PRKDC: variants seen among roughly 807,000 people sequenced by gnomAD.
PRKDC encodes protein kinase, DNA-activated, catalytic subunit.
Under a neutral mutation model 486.9 loss-of-function variants are expected in PRKDC, and 82 were observed. The observed-to-expected ratio is 0.17, with a 90% CI of 0.14 to 0.20. The LOEUF is 0.20. Among genes scored for constraint, PRKDC ranks in the 10% least tolerant of loss-of-function variants. PRKDC has a pLI of 1.00. For synonymous variants in PRKDC, 1,895 were observed against 1,837.0 expected (o/e 1.03, Z -0.81); for missense variants, 4,504 against 5,038.2 (o/e 0.89, Z 3.21).
At chr8:47,927,749 C>A (rs781401579) in intron 20 of PRKDC, 22 bp downstream of exon 20, 3 of 1,488,146 alleles carry the variant, frequency 2.0e-6, no homozygotes, top group Admixed American at 2.5e-5. Context: ...GAAGAGATGG[C>A]TCTGTTCAAG....
chr8:47,803,295 G>C lies in PRKDC; in HGVS notation c.9922+11C>G. The stretch of plus-strand genomic sequence containing the variant: ...CTTTAAGATATAAGTGGATAAAAGC[G>C]GTCAACTTACCCAACAAAGAGACTG... On this transcript the variant is annotated intron_variant, in intron 70 of 85. Coordinates refer to ENST00000314191, the MANE Select transcript of PRKDC (RefSeq NM_006904.7). 2 of 1,598,334 alleles carry C rather than the reference G, an allele frequency of 1.3e-6. No individual in the cohort carries two copies. The highest frequency in any genetic ancestry group is 2.2e-5 in the South Asian group (2 of 89,044).
At chr8:47,951,046 TA>T (rs1250624353) in intron 7 of PRKDC, among the ~76,000 whole-genome samples, 4 of 152,076 alleles carry the variant, frequency 2.6e-5, no homozygotes, top group African/African-American at 9.7e-5. Context: ...CCAAAGGACA[TA>T]ATCAACACAG....
At chr8:47,946,822 C>CT (rs1301044548) in intron 7 of PRKDC, among the ~76,000 whole-genome samples, 1 of 152,164 alleles carries the variant, frequency 6.6e-6, no homozygotes, top group Non-Finnish European at 1.5e-5. Context: ...AACCCGGTCT[C>CT]TCCCATCCCA....
rs1318214107 is a variant in PRKDC at position 47,904,914 on chromosome 8, CTTG to C, written c.2994_2996del (p.Asn998del). 4.3e-6 allele frequency: 7 copies of C among 1,613,582 alleles called. No homozygotes were observed. The highest frequency in any genetic ancestry group is 3.3e-5 in the Admixed American group (2 of 59,952). ...CAACAGTATCCTGACTTTCAAATTT[CTTG>C]TTGTTAGTGAACCAGTGAATCAGCT... On this transcript the variant is annotated inframe_deletion, in exon 26 of 86. Coordinates refer to ENST00000314191, the MANE Select transcript of PRKDC (RefSeq NM_006904.7).
Position 47,877,737 on chromosome 8 carries a change from T to C in PRKDC, c.5350A>G (p.Arg1784Gly). ...MEELFQSSFR[R>G]IARRGSCVTQ... ...AGAATGACTTACCTTCTGGCAATCC[T>C]CCTGAAACTGGATTGAAATAATTCT... Residue 1784 changes from arginine to glycine, a missense_variant, in exon 40 of 86, where the codon AGG becomes GGG. Arg to Gly is a moderately radical substitution (Grantham distance 125). This residue lies in a region of PRKDC where 1,969 missense variants were observed against 2,068.9 expected (regional missense o/e 0.95). Transcript: ENST00000314191. 6.3e-7 allele frequency: 1 copy of C among 1,587,922 alleles called. No homozygotes were observed. Among genetic ancestry groups the C allele is most frequent in the Non-Finnish European group, 8.6e-7 (1 of 1,166,352 alleles).
chr8:47,821,495 T>G, intron 65 of PRKDC, 109 bp downstream of exon 65: 4 of 1,046,134 alleles, frequency 3.8e-6, no homozygotes, highest in Non-Finnish European at 4.3e-6. Flanking sequence ...TGCAATTCCC[T>G]AGTGCTTCAC....
In PRKDC at chr8:47,828,199, G is replaced by C; in HGVS notation, c.8546C>G (p.Ser2849Cys). Residue 2849 changes from serine to cysteine, a missense_variant, in exon 62 of 86, where the codon TCT (serine) becomes TGT (cysteine). Physicochemically the swap from Ser to Cys is moderately radical, Grantham distance 112. Transcript: ENST00000314191. ...ACAAGAGACAAAGGGTGGAAAGAAAGAGAAGGTGGTATTAAGAAAACGATT... is the reference window on the plus strand; with the variant it reads ...ACAAGAGACAAAGGGTGGAAAGAAACAGAAGGTGGTATTAAGAAAACGATT... Reference protein sequence around the residue: ...DFNRFLNTTFSFFPPFVSCIQ... With the variant: ...DFNRFLNTTFCFFPPFVSCIQ... The C allele has an allele frequency of 1.2e-6, 2 of 1,613,824 alleles. No individual in the cohort carries two copies. The highest frequency in any genetic ancestry group is 8.5e-7 in the Non-Finnish European group (1 of 1,179,770).
rs899417449 is a variant in PRKDC, at chr8:47,773,753, A to C, written c.*420T>G. Reference sequence around the variant, plus strand: ...CTATACTTAGCTTTACTCTCCCAAAATCTTGGTGATGAAGCCTTCTGAGTG... The same window carrying C: ...CTATACTTAGCTTTACTCTCCCAAACTCTTGGTGATGAAGCCTTCTGAGTG... On this transcript the variant is annotated 3_prime_UTR_variant, in exon 86 of 86. Transcript: ENST00000314191. 1.2e-4 allele frequency: 28 copies of C among 235,166 alleles called. No individual in the cohort carries two copies. The highest frequency in any genetic ancestry group is 6.0e-4 in the African/African-American group (27 of 45,312). The allele number at this position is 235,166 out of a possible 1,614,324, so 14.6% of individuals were successfully genotyped here.
At chr8:47,927,732 C>T (rs187811471) in intron 20 of PRKDC, 39 bp downstream of exon 20, 12 of 1,463,094 alleles carry the variant, frequency 8.2e-6, no homozygotes, top group Non-Finnish European at 1.1e-5. Context: ...GGACTCACAA[C>T]AGCGATGAAG....
chr8:47,863,271 A>G (rs1243129408), intron 42 of PRKDC, 128 bp downstream of exon 42: 2 of 764,852 alleles, frequency 2.6e-6, no homozygotes, highest in Admixed American at 3.7e-5. Flanking sequence ...TAAGTGGTTT[A>G]TAAGAAGAAA....
intron 68 of PRKDC, among the ~76,000 whole-genome samples, chr8:47,811,160 G>GA (rs1449986721): frequency 1.3e-5 from 2 of 152,088 alleles, no homozygotes; most frequent in East Asian, 3.9e-4. Flanking sequence ...CAATGATAAA[G>GA]AAAAAAAATC....
At chr8:47,912,794 A>G (rs1181841753) in intron 24 of PRKDC, among the ~76,000 whole-genome samples, 2 of 152,262 alleles carry the variant, frequency 1.3e-5, no homozygotes, top group Admixed American at 6.5e-5. Context: ...AAAGCTTTAG[A>G]AACTGGGAAG....
chr8:47,832,424 C>G (rs7014544), intron 59 of PRKDC, among the ~76,000 whole-genome samples: 34,231 of 152,124 alleles, frequency 0.23, 7,511 homozygotes, highest in African/African-American at 0.56. Context: ...ATGAACAACA[C>G]AAGCCAAAGT....
Position 47,935,119 on chromosome 8 carries a change from C to A in PRKDC, c.1448-61G>T, listed in dbSNP as rs571300573. 1.4e-5 allele frequency: 15 copies of A among 1,101,050 alleles called. No individual in the cohort carries two copies. In the Admixed American group the frequency reaches 3.3e-4, roughly 24 times the overall value. 68.2% of individuals were successfully genotyped at this position (1,101,050 alleles called of 1,614,324 possible). On this transcript the variant is annotated intron_variant, in intron 13 of 85. Transcript: ENST00000314191. ...CACTGAAAAACAGAATCAAAACTCA[C>A]AAAAAAAAACAAACAGTCATTATAT...
In PRKDC at chr8:47,957,541, C is replaced by T. The variant is rs528028250; in HGVS notation, c.155-110G>A. The T allele has an allele frequency of 4.6e-5, 42 of 903,652 alleles. 1 individual carries two copies. In the East Asian group the frequency reaches 7.6e-4, roughly 16 times the overall value. The allele number at this position is 903,652 out of a possible 1,614,324, so 56.0% of individuals were successfully genotyped here. The stretch of plus-strand genomic sequence containing the variant: ...TATTATTTTTTTTGAGATGGAGTCT[C>T]GCTCTGTCGCCCAGGCTGGAGTGCA... On this transcript the variant is annotated intron_variant, in intron 1 of 85. Coordinates refer to ENST00000314191, the MANE Select transcript of PRKDC (RefSeq NM_006904.7).
intron 39 of PRKDC, 61 bp from the exon 40 acceptor site, chr8:47,877,912 T>TA (rs2089123694): frequency 8.2e-7 from 1 of 1,216,326 alleles, no homozygotes; most frequent in South Asian, 2.5e-5. Context: ...CTTCAATAGT[T>TA]AAATTATATA....
At chr8:47,809,171 A>G (rs1209556457) in intron 68 of PRKDC, among the ~76,000 whole-genome samples, 1 of 151,806 alleles carries the variant, frequency 6.6e-6, no homozygotes, top group Non-Finnish European at 1.5e-5. Context: ...GAAACACTGC[A>G]GGAAGATAAA....
intron 7 of PRKDC, among the ~76,000 whole-genome samples, chr8:47,949,073 T>C (rs1017674172): frequency 6.6e-6 from 1 of 152,184 alleles, no homozygotes; most frequent in Non-Finnish European, 1.5e-5. Context: ...AGAACCCTTT[T>C]CTCACTTCTC....
intron 74 of PRKDC, 56 bp from the exon 75 acceptor site, chr8:47,789,294 T>C (rs2086845697): frequency 1.2e-6 from 1 of 848,726 alleles, no homozygotes; most frequent in Admixed American, 3.2e-5. Flanking sequence ...AAAATCAATA[T>C]ATATTTTATA....
Sources: gnomAD v4.1 joint callset for allele counts (sites outside exome capture counted in the v4.1 genomes callset) on GRCh38, gnomAD v4.1.1 for gene constraint, gnomAD v4.1.1 regional missense constraint, MANE v1.5 for transcripts, NCBI Gene and HGNC (gene_info 2026-07-23, HGNC 2026-07-21) for gene names.